Variants in FAT3 observed in about 807,000 individuals in gnomAD.
FAT3 encodes FAT atypical cadherin 3.
A neutral mutation model predicts 310.2 loss-of-function variants in FAT3; 95 were observed. The observed-to-expected ratio is 0.31, with a 90% confidence interval of 0.26 to 0.36. The LOEUF (loss-of-function observed/expected upper bound fraction) is 0.36. Ranked by LOEUF, FAT3 falls within the 10% of genes least tolerant of loss-of-function variation. FAT3 has a pLI of 1.00. For synonymous variants in FAT3, 2,314 were observed against 2,192.9 expected (o/e 1.06, Z -1.54); for missense variants, 5,408 against 5,715.6 (o/e 0.95, Z 1.74).
intron 4 of FAT3, among the ~76,000 whole-genome samples, chr11:92,705,170 A>G (rs1944231880): frequency 6.6e-6 from 1 of 152,200 alleles, no homozygotes; most frequent in Non-Finnish European, 1.5e-5. Context: ...TTGCCCAGGA[A>G]CAAACCCCTC....
intron 2 of FAT3, among the ~76,000 whole-genome samples, chr11:92,375,260 A>G (rs923761653): frequency 4.0e-4 from 61 of 152,084 alleles, no homozygotes; most frequent in African/African-American, 1.4e-3. Context: ...CAGTCTCCCA[A>G]GGAGCTGGGA....
At chr11:92,778,016 G>A (rs1359994402) in intron 7 of FAT3, among the ~76,000 whole-genome samples, 2 of 151,992 alleles carry the variant, frequency 1.3e-5, no homozygotes, top group African/African-American at 4.8e-5. Flanking sequence ...GGAAGATCCA[G>A]TGGCTGCATC....
At chr11:92,518,161 T>G (rs1333383913) in intron 2 of FAT3, among the ~76,000 whole-genome samples, 1 of 152,174 alleles carries the variant, frequency 6.6e-6, no homozygotes, top group African/African-American at 2.4e-5. Flanking sequence ...ATCCCATTAC[T>G]GTGTATATAC....
intron 4 of FAT3, among the ~76,000 whole-genome samples, chr11:92,715,768 T>A (rs1015825738): frequency 2.0e-5 from 3 of 151,954 alleles, no homozygotes; most frequent in African/African-American, 7.3e-5. Context: ...AGGGAGGACT[T>A]CACAGAAGAG....
intron 4 of FAT3, among the ~76,000 whole-genome samples, chr11:92,708,643 G>C (rs1225520369): frequency 6.6e-6 from 1 of 152,160 alleles, no homozygotes; most frequent in Non-Finnish European, 1.5e-5. Context: ...GAACACTTAA[G>C]GCCTTGTATT....
At chr11:92,604,903 T>G (rs915202847) in intron 3 of FAT3, among the ~76,000 whole-genome samples, 2 of 152,232 alleles carry the variant, frequency 1.3e-5, no homozygotes, top group African/African-American at 4.8e-5. Flanking sequence ...AACAAATTAT[T>G]TAACCATTTT....
chr11:92,569,247 A>G (rs192585394), intron 3 of FAT3, among the ~76,000 whole-genome samples: 1 of 152,146 alleles, frequency 6.6e-6, no homozygotes. Flanking sequence ...TTTCCTTCTC[A>G]GTAAAATGAA....
intron 2 of FAT3, among the ~76,000 whole-genome samples, chr11:92,466,680 C>T (rs1219997079): frequency 6.6e-6 from 1 of 150,462 alleles, no homozygotes; most frequent in African/African-American, 2.4e-5. Flanking sequence ...GTGCTGCACC[C>T]ATTAACTCGT....
rs1591820097 is a variant in FAT3, at chr11:92,856,627, T to A, written c.11366-587T>A. Among the ~76,000 whole-genome samples the A allele has an allele frequency of 2.6e-5, 4 of 152,302 alleles. No individual in the cohort carries two copies. In the Middle Eastern group the frequency reaches 0.014, roughly 518 times the overall value. ...ATAATTCTGCTGTTTTTTTGATAGC[T>A]GGTAGGGCACATTTACAGCTAATCA... On this transcript the variant is annotated intron_variant, in intron 19 of 27. Coordinates refer to ENST00000525166, the MANE Select transcript of FAT3 (RefSeq NM_001367949.2).
intron 2 of FAT3, among the ~76,000 whole-genome samples, chr11:92,450,172 T>A (rs1343718334): frequency 6.6e-6 from 1 of 152,182 alleles, no homozygotes; most frequent in African/African-American, 2.4e-5. Context: ...CTCGTTGAGG[T>A]TTCATTCATT....
At chr11:92,312,646 A>T (rs1947339679) in intron 1 of FAT3, among the ~76,000 whole-genome samples, 1 of 152,186 alleles carries the variant, frequency 6.6e-6, no homozygotes, top group African/African-American at 2.4e-5. Flanking sequence ...AATTGAAAAC[A>T]TTCTCTTTTT....
intron 2 of FAT3, among the ~76,000 whole-genome samples, chr11:92,381,230 C>T: frequency 6.6e-6 from 1 of 152,166 alleles, no homozygotes; most frequent in South Asian, 2.1e-4. Flanking sequence ...AGGAGTTGGG[C>T]CAGGTGCAGT....
intron 2 of FAT3, among the ~76,000 whole-genome samples, chr11:92,422,008 C>A (rs762429575): frequency 6.6e-5 from 10 of 152,184 alleles, no homozygotes; most frequent in Non-Finnish European, 1.2e-4. Flanking sequence ...GCATTACAGG[C>A]TGTGAGCTGT....
chr11:92,527,624 G>A (rs1953912115), intron 3 of FAT3, among the ~76,000 whole-genome samples: 1 of 152,166 alleles, frequency 6.6e-6, no homozygotes, highest in Non-Finnish European at 1.5e-5. Flanking sequence ...TCCAAGTCTG[G>A]TGAAATTCTT....
intron 1 of FAT3, among the ~76,000 whole-genome samples, chr11:92,259,082 G>T (rs1865435051): frequency 6.6e-6 from 1 of 152,018 alleles, no homozygotes; most frequent in Non-Finnish European, 1.5e-5. Context: ...TTCTAATCCT[G>T]ATCTGACACT....
intron 4 of FAT3, among the ~76,000 whole-genome samples, chr11:92,746,629 A>C (rs1180141062): frequency 3.9e-5 from 6 of 152,162 alleles, no homozygotes; most frequent in Non-Finnish European, 8.8e-5. Flanking sequence ...AAAAGTCCAC[A>C]GTCCAAAGTC....
intron 2 of FAT3, among the ~76,000 whole-genome samples, chr11:92,365,996 G>A (rs1949010863): frequency 6.6e-6 from 1 of 152,214 alleles, no homozygotes; most frequent in South Asian, 2.1e-4. Context: ...GCTAGAGCCA[G>A]CTCTCTGGGG....
At chr11:92,476,828 A>T (rs1172933637) in intron 2 of FAT3, among the ~76,000 whole-genome samples, 1 of 152,196 alleles carries the variant, frequency 6.6e-6, no homozygotes, top group Non-Finnish European at 1.5e-5. Context: ...ACTAAAAATT[A>T]ACCACATTTT....
chr11:92,648,340 A>G (rs1435535501), intron 3 of FAT3, among the ~76,000 whole-genome samples: 2 of 152,214 alleles, frequency 1.3e-5, no homozygotes, highest in African/African-American at 2.4e-5. Context: ...AGTTTTGCAT[A>G]TAAGTGGCAC....
Sources: gnomAD v4.1 joint callset for allele counts (sites outside exome capture counted in the v4.1 genomes callset) on GRCh38, gnomAD v4.1.1 for gene constraint, MANE v1.5 for transcripts, NCBI Gene and HGNC (gene_info 2026-07-23, HGNC 2026-07-21) for gene names.